The following CFAP74 variants were observed in gnomAD, a reference collection of about 807,000 sequenced individuals.
The protein encoded by CFAP74 is cilia and flagella associated protein 74.
CFAP74 carries 124 observed loss-of-function variants against 188.9 expected under a neutral mutation model. The observed-to-expected ratio is 0.66, with a 90% CI of 0.57 to 0.76. CFAP74 has a LOEUF of 0.76. Among genes scored for constraint, CFAP74 ranks in the 30% least tolerant of loss-of-function variants. The pLI is 0.00. For missense variants in CFAP74, 2,198 were observed against 2,165.2 expected, an observed-to-expected ratio of 1.02 and a Z score of -0.30; for synonymous variants, 956 against 916.7, an observed-to-expected ratio of 1.04 and a Z score of -0.77.
intron 6 of CFAP74, among the ~76,000 whole-genome samples, chr1:1,983,129 G>A (rs929086642): frequency 4.6e-5 from 7 of 152,166 alleles, no homozygotes. Context: ...TACACGGAGA[G>A]CGATCACGGA....
intron 32 of CFAP74, 68 bp downstream of exon 32, chr1:1,926,160 C>T (rs1481041041): frequency 3.4e-6 from 5 of 1,458,214 alleles, no homozygotes; most frequent in East Asian, 2.5e-5. Flanking sequence ...CCGCCCCGGC[C>T]AGTGCCTTTG....
In CFAP74 at chr1:1,922,627, T is replaced by A. The variant is rs752191467; in HGVS notation, c.4780A>T (p.Thr1594Ser). Residue 1594 changes from threonine to serine, a missense_variant, in exon 38 of 39, where the codon ACC (threonine) becomes TCC (serine). Thr to Ser is a moderately conservative substitution (Grantham distance 58). Coordinates refer to ENST00000682832, the MANE Select transcript of CFAP74 (RefSeq NM_001304360.2). ...GGTGGCACCCAGGAGATGCTGATGG[T>A]CTTCGTCTGGCCGCGCTCCACGGAG... ...RGSVERGQTK[T>S]ISISWVPPAD... 21 of 1,606,198 alleles carry A rather than the reference T, an allele frequency of 1.3e-5. No homozygotes were observed. Among genetic ancestry groups the A allele is most frequent in the Non-Finnish European group, 1.8e-5 (21 of 1,176,298 alleles).
chr1:1,989,359 C>T lies in CFAP74; in HGVS notation c.68-386G>A, dbSNP rs150857734. ...CAGGGCGGACGGTGTGAGACAAAGC[C>T]GTTGGGGAGAGCTGCTGCTGAATAA... On this transcript the variant is annotated intron_variant, in intron 2 of 38. Coordinates refer to ENST00000682832, the MANE Select transcript of CFAP74 (RefSeq NM_001304360.2). Among the ~76,000 whole-genome samples, 271 of 152,340 alleles carry T rather than the reference C, an allele frequency of 1.8e-3. 4 individuals carry two copies. Among genetic ancestry groups the T allele is most frequent in the East Asian group, 5.2e-3 (27 of 5,182 alleles).
At position 1,926,221 on chromosome 1, in the gene CFAP74, G is replaced by C. The variant is rs1406137419; in HGVS notation, c.3948+7C>G. ...CGCAGTGTGGCCAGGGTGGGCCTGG[G>C]ACTCACCAGGATGCTCTCGTGGGGA... On this transcript the variant is annotated splice_region_variant and intron_variant, in intron 32 of 38. Coordinates refer to ENST00000682832, the MANE Select transcript of CFAP74 (RefSeq NM_001304360.2). 1 of 1,498,854 alleles carries C rather than the reference G, an allele frequency of 6.7e-7. No individual in the cohort carries two copies. The highest frequency in any genetic ancestry group is 2.2e-5 in the Admixed American group (1 of 45,166). 92.8% of individuals were successfully genotyped at this position (1,498,854 alleles called of 1,614,324 possible). A position where few individuals can be genotyped will look rare whatever the true frequency, so the allele number is the denominator to read the frequency against.
chr1:1,955,272 G>A (rs1358787613), intron 18 of CFAP74: 3 of 1,294,114 alleles, frequency 2.3e-6, no homozygotes, highest in Non-Finnish European at 3.0e-6. Flanking sequence ...CAGGGCAGGA[G>A]GCATGGGGAG....
At chr1:1,950,236 C>T (rs567652145) in intron 18 of CFAP74, among the ~76,000 whole-genome samples, 1 of 151,770 alleles carries the variant, frequency 6.6e-6, no homozygotes, top group Non-Finnish European at 1.5e-5. Context: ...TTTACATTTT[C>T]TTCATCTCAT....
At chr1:1,927,092 C>T in intron 28 of CFAP74, 64 bp from the exon 29 acceptor site, 1 of 1,539,542 alleles carries the variant, frequency 6.5e-7, no homozygotes, top group South Asian at 1.2e-5. Flanking sequence ...CCAGGCCGGA[C>T]CCCTGCGGCT....
chr1:1,981,104 C>T (rs564862828), intron 6 of CFAP74, among the ~76,000 whole-genome samples: 31 of 152,218 alleles, frequency 2.0e-4, no homozygotes, highest in South Asian at 6.2e-4. Flanking sequence ...AGCTGCCCCT[C>T]GCACACACCC....
intron 1 of CFAP74, among the ~76,000 whole-genome samples, chr1:1,991,766 G>C (rs180788649): frequency 2.6e-5 from 4 of 152,100 alleles, no homozygotes; most frequent in Non-Finnish European, 5.9e-5. Context: ...TTGGCTGGGC[G>C]TGGTGGCTCA....
Position 1,946,439 on chromosome 1 carries a change from C to G in CFAP74, c.2242G>C (p.Val748Leu), listed in dbSNP as rs988275370. ...EEQTEITLGEVTEGEIGPFSS... is the reference protein window; with the variant it reads ...EEQTEITLGELTEGEIGPFSS... Reference sequence around the variant, plus strand: ...AAGGGGCCAATTTCCCCTTCTGTTACCTGCACAGGAAGAGATGCCATGGGG... The same window carrying G: ...AAGGGGCCAATTTCCCCTTCTGTTAGCTGCACAGGAAGAGATGCCATGGGG... The change falls in exon 20 of 39, where the codon GTA becomes CTA. Residue 748 changes from valine (V) to leucine (L), a missense_variant and splice_region_variant. Val to Leu is a conservative substitution (Grantham distance 32). Coordinates refer to ENST00000682832, the MANE Select transcript of CFAP74 (RefSeq NM_001304360.2). 4 of 1,535,012 alleles carry G rather than the reference C, an allele frequency of 2.6e-6. No homozygotes were observed. The highest frequency in any genetic ancestry group is 3.5e-6 in the Non-Finnish European group (4 of 1,145,552).
At chr1:1,971,284 C>A (rs567936287) in intron 9 of CFAP74, among the ~76,000 whole-genome samples, 1 of 150,208 alleles carries the variant, frequency 6.7e-6, no homozygotes, top group Non-Finnish European at 1.5e-5. Flanking sequence ...CCTGCACACA[C>A]GTGCACATAC....
intron 25 of CFAP74, among the ~76,000 whole-genome samples, chr1:1,932,094 C>CA (rs1421626192): frequency 3.9e-5 from 4 of 102,202 alleles, no homozygotes; most frequent in African/African-American, 1.8e-4. Context: ...AAACAAAAAA[C>CA]AAAAAACTTA....
At chr1:1,982,941 C>A (rs571640161) in intron 6 of CFAP74, among the ~76,000 whole-genome samples, 2 of 152,220 alleles carry the variant, frequency 1.3e-5, no homozygotes, top group South Asian at 2.1e-4. Context: ...TGGGTCCAGG[C>A]AAGGGCAGGG....
At chr1:1,960,896 G>A (rs190997363) in intron 14 of CFAP74, among the ~76,000 whole-genome samples, 7 of 152,316 alleles carry the variant, frequency 4.6e-5, no homozygotes, top group South Asian at 2.1e-4. Flanking sequence ...TGACAGAAGC[G>A]TGGAGTGGGG....
At chr1:1,943,767 A>C (rs1445647535) in intron 21 of CFAP74, among the ~76,000 whole-genome samples, 2 of 152,136 alleles carry the variant, frequency 1.3e-5, no homozygotes, top group African/African-American at 4.8e-5. Flanking sequence ...GCCCCACAAC[A>C]CAGAGGCACA....
intron 25 of CFAP74, among the ~76,000 whole-genome samples, chr1:1,938,124 TTCAG>T (rs1200465365): frequency 2.1e-5 from 2 of 94,560 alleles, no homozygotes; most frequent in Admixed American, 1.2e-4. Context: ...TGCACTCACA[TTCAG>T]TCACATGCTC....
At chr1:1,963,608 C>A in intron 14 of CFAP74, 141 bp downstream of exon 14, 1 of 567,736 alleles carries the variant, frequency 1.8e-6, no homozygotes, top group Non-Finnish European at 3.0e-6. Flanking sequence ...GAGGAGCCCC[C>A]TCTACAAAAT....
At chr1:1,935,825 G>A (rs1305706632) in intron 25 of CFAP74, among the ~76,000 whole-genome samples, 2 of 151,686 alleles carry the variant, frequency 1.3e-5, no homozygotes, top group African/African-American at 4.9e-5. Flanking sequence ...GAGAGCAGAG[G>A]ACGCAGAGCT....
chr1:1,965,614 C>T (rs868558957), intron 12 of CFAP74, among the ~76,000 whole-genome samples: 4 of 151,784 alleles, frequency 2.6e-5, no homozygotes, highest in Non-Finnish European at 4.4e-5. Flanking sequence ...CTGCTGGTGC[C>T]CATGCCCGGC....
Sources: gnomAD v4.1 joint callset for allele counts (sites outside exome capture counted in the v4.1 genomes callset) on GRCh38, gnomAD v4.1.1 for gene constraint, MANE v1.5 for transcripts, NCBI Gene and HGNC (gene_info 2026-07-23, HGNC 2026-07-21) for gene names.